The following NRG3 variants were observed in gnomAD, a reference collection of about 807,000 sequenced individuals.
NRG3 encodes neuregulin 3.
A neutral mutation model predicts 66.9 loss-of-function variants in NRG3; 31 were observed. The ratio of observed to expected loss-of-function variants is 0.46; its 90% confidence interval spans 0.35 to 0.63. NRG3 has a LOEUF of 0.63. NRG3 is among the 20% of genes least tolerant of loss of function. NRG3 has a pLI of 0.00. For synonymous variants in NRG3, 393 were observed against 359.4 expected (o/e 1.09, Z -1.06); for missense variants, 910 against 878.9 (o/e 1.04, Z -0.45).
rs371649971 is a variant in NRG3, at chr10:82,167,925, G to A, written c.824-190814G>A. 1.1e-4 allele frequency among the ~76,000 whole-genome samples: 16 copies of A among 151,962 alleles called. No homozygotes were observed. In the East Asian group the frequency reaches 1.2e-3, roughly 11 times the overall value. On this transcript the variant is annotated intron_variant, in intron 1 of 8. Coordinates refer to ENST00000372141, the MANE Select transcript of NRG3 (RefSeq NM_001010848.4). The stretch of plus-strand genomic sequence containing the variant: ...CTTCATTTTTTTGAAGGGGGAAAGC[G>A]TGAGAGGGATGTACAGAAGAGTTTC...
At chr10:81,942,736 A>G (rs1848505568) in intron 1 of NRG3, among the ~76,000 whole-genome samples, 1 of 152,136 alleles carries the variant, frequency 6.6e-6, no homozygotes, top group Non-Finnish European at 1.5e-5. Flanking sequence ...GACCTCACAT[A>G]TACCAGGTGG....
At chr10:82,827,376 TCTTGCTGAGAGAGGACCTGCCTGCAGCAA>T (rs2062282639) in intron 3 of NRG3, among the ~76,000 whole-genome samples, 1 of 152,170 alleles carries the variant, frequency 6.6e-6, no homozygotes, top group Admixed American at 6.5e-5. Context: ...CAAGTCTTTC[TCTTGCTGAGAGAGGACCTGCCTGCAGCAA>T]CTCCTAGGAA....
chr10:82,121,242 C>T (rs148381722), intron 1 of NRG3, among the ~76,000 whole-genome samples: 1 of 152,244 alleles, frequency 6.6e-6, no homozygotes, highest in African/African-American at 2.4e-5. Context: ...TCATAATCAT[C>T]TTCTAACATT....
At chr10:82,385,701 C>A (rs1300364143) in intron 2 of NRG3, among the ~76,000 whole-genome samples, 1 of 151,972 alleles carries the variant, frequency 6.6e-6, no homozygotes, top group African/African-American at 2.4e-5. Context: ...TTGCTATAGA[C>A]AGTAAATTGA....
intron 1 of NRG3, among the ~76,000 whole-genome samples, chr10:82,351,893 C>T (rs2083457166): frequency 6.6e-6 from 1 of 152,196 alleles, no homozygotes; most frequent in Non-Finnish European, 1.5e-5. Context: ...GCCCTACTAC[C>T]GTCCTCCAGC....
intron 2 of NRG3, among the ~76,000 whole-genome samples, chr10:82,585,010 T>G (rs2046582423): frequency 7.4e-6 from 1 of 135,186 alleles, no homozygotes; most frequent in Admixed American, 7.7e-5. Flanking sequence ...ATTGTCTTTT[T>G]TGGGGGGGGA....
rs572362420 is a variant in NRG3, at chr10:82,169,608, C to T, written c.824-189131C>T. On this transcript the variant is annotated intron_variant, in intron 1 of 8. Transcript: ENST00000372141. ...ACTTCCAGTGTAAATTTTGATTCTACAATTTGATTTGTACTCTTCCTTAAA... is the reference window on the plus strand; with the variant it reads ...ACTTCCAGTGTAAATTTTGATTCTATAATTTGATTTGTACTCTTCCTTAAA... 6.4e-4 allele frequency among the ~76,000 whole-genome samples: 97 copies of T among 151,572 alleles called. 2 individuals carry two copies. In the South Asian group the frequency reaches 0.02, roughly 31 times the overall value.
At chr10:82,064,509 G>A (rs1049487619) in intron 1 of NRG3, among the ~76,000 whole-genome samples, 6 of 151,892 alleles carry the variant, frequency 4.0e-5, no homozygotes, top group Admixed American at 6.6e-5. Context: ...TGACTTATAC[G>A]CGTTGAAAAA....
In NRG3 at chr10:82,150,528, C is replaced by CAA. The variant is rs1264827514; in HGVS notation, c.824-208210_824-208209insAA. 2.1e-4 allele frequency among the ~76,000 whole-genome samples: 11 copies of CAA among 51,718 alleles called. 1 individual carries two copies. Among genetic ancestry groups the CAA allele is most frequent in the African/African-American group, 7.8e-4 (9 of 11,598 alleles). The allele number at this position is 51,718 out of a possible 152,430, so 33.9% of individuals were successfully genotyped here. A position where few individuals can be genotyped will look rare whatever the true frequency, so the allele number is the denominator to read the frequency against. On this transcript the variant is annotated intron_variant, in intron 1 of 8. Transcript: ENST00000372141. ...TGATTAACAAAGCAAAAAGAGCACA[C>CAA]ACAAAAAAAAAAAAAAAAAAAAAAA...
At chr10:82,852,634 G>T (rs75138099) in intron 3 of NRG3, among the ~76,000 whole-genome samples, 1 of 152,060 alleles carries the variant, frequency 6.6e-6, no homozygotes, top group African/African-American at 2.4e-5. Context: ...ATACGTAGAC[G>T]GTAGTTTCAA....
chr10:82,750,651 T>C (rs2058827324), intron 3 of NRG3, among the ~76,000 whole-genome samples: 1 of 152,168 alleles, frequency 6.6e-6, no homozygotes, highest in South Asian at 2.1e-4. Context: ...ATAGTAATTT[T>C]ATGGTTGAGG....
At position 82,282,661 on chromosome 10, in the gene NRG3, T is replaced by C. The variant is rs139176792; in HGVS notation, c.824-76078T>C. ...GTGTTTCACAAGGTTGTTGTGATGATTAAATGAGTTAATGCAAATTAGCGA... is the reference window on the plus strand; with the variant it reads ...GTGTTTCACAAGGTTGTTGTGATGACTAAATGAGTTAATGCAAATTAGCGA... On this transcript the variant is annotated intron_variant, in intron 1 of 8. Coordinates refer to ENST00000372141, the MANE Select transcript of NRG3 (RefSeq NM_001010848.4). Among the ~76,000 whole-genome samples the C allele has an allele frequency of 7.9e-5, 12 of 152,208 alleles. No individual in the cohort carries two copies. The South Asian group carries it at 1.2e-3, about 16-fold the overall frequency.
rs188135893 is a variant in NRG3 at position 82,533,547 on chromosome 10, T to C, written c.953+174679T>C. On this transcript the variant is annotated intron_variant, in intron 2 of 8. Coordinates refer to ENST00000372141, the MANE Select transcript of NRG3 (RefSeq NM_001010848.4). The stretch of plus-strand genomic sequence containing the variant: ...TTCCAACACTATTTGTTAAAAAGAA[T>C]GTATTTCTCTTTCAACAAAGTAGGA... Among the ~76,000 whole-genome samples the C allele has an allele frequency of 5.3e-4, 81 of 152,250 alleles. 1 individual carries two copies. Among genetic ancestry groups the C allele is most frequent in the Admixed American group, 2.7e-3 (41 of 15,286 alleles).
At chr10:82,568,373 C>G (rs2045541059) in intron 2 of NRG3, among the ~76,000 whole-genome samples, 1 of 151,848 alleles carries the variant, frequency 6.6e-6, no homozygotes, top group Non-Finnish European at 1.5e-5. Context: ...AGTGTACAGT[C>G]AAGGCTAGGT....
At position 82,211,556 on chromosome 10, in the gene NRG3, CAGAT is replaced by C. The variant is rs2075394903; in HGVS notation, c.824-147180_824-147177del. Among the ~76,000 whole-genome samples, 4 of 152,284 alleles carry C rather than the reference CAGAT, an allele frequency of 2.6e-5. No individual in the cohort carries two copies. The South Asian group carries it at 8.3e-4, about 32-fold the overall frequency. ...AATAAGCGTGCACAGGATGAACTCA[CAGAT>C]AGCCACGCCAGTCTCCCAGAGCAGA... On this transcript the variant is annotated intron_variant, in intron 1 of 8. Transcript: ENST00000372141.
At chr10:82,382,751 G>A (rs1347258112) in intron 2 of NRG3, among the ~76,000 whole-genome samples, 1 of 151,920 alleles carries the variant, frequency 6.6e-6, no homozygotes, top group East Asian at 1.9e-4. Context: ...TAATGCATAT[G>A]TATAAATATA....
chr10:82,809,438 A>C (rs1163882728), intron 3 of NRG3, among the ~76,000 whole-genome samples: 1 of 152,100 alleles, frequency 6.6e-6, no homozygotes, highest in African/African-American at 2.4e-5. Context: ...CATTTAAAAA[A>C]TGTGAACATA....
At chr10:82,457,559 G>A (rs1242212918) in intron 2 of NRG3, among the ~76,000 whole-genome samples, 2 of 152,098 alleles carry the variant, frequency 1.3e-5, no homozygotes, top group African/African-American at 4.8e-5. Flanking sequence ...CCCTGTGTTA[G>A]ACAATCTCTG....
intron 1 of NRG3, among the ~76,000 whole-genome samples, chr10:82,266,000 A>AT (rs2078274855): frequency 6.6e-6 from 1 of 152,034 alleles, no homozygotes; most frequent in Non-Finnish European, 1.5e-5. Context: ...GCGCCAATTG[A>AT]TTTTCTCTTC....
Sources: gnomAD v4.1 joint callset for allele counts (sites outside exome capture counted in the v4.1 genomes callset) on GRCh38, gnomAD v4.1.1 for gene constraint, MANE v1.5 for transcripts, NCBI Gene and HGNC (gene_info 2026-07-23, HGNC 2026-07-21) for gene names.